Variants in C18orf63 observed in about 807,000 individuals in gnomAD.
C18orf63 encodes the protein uncharacterized protein C18orf63.
C18orf63 carries 50 observed loss-of-function variants against 75.3 expected under a neutral mutation model. The observed-to-expected ratio is 0.66, with a 90% confidence interval of 0.53 to 0.84. The LOEUF is 0.84. Among genes scored for constraint, C18orf63 ranks in the 40% least tolerant of loss-of-function variants. The pLI, the probability that C18orf63 is intolerant of heterozygous loss-of-function variation, is 0.00. For missense variants in C18orf63, 732 were observed against 800.2 expected (o/e 0.91, Z 1.03); for synonymous variants, 232 against 267.6 (o/e 0.87, Z 1.30).
intron 13 of C18orf63, 46 bp downstream of exon 13, chr18:74,354,592 T>C (rs1393140669): frequency 2.0e-6 from 2 of 976,694 alleles, no homozygotes; most frequent in Non-Finnish European, 3.0e-6. Flanking sequence ...TTATCTGAAT[T>C]GGGATTGCCA....
In C18orf63 at chr18:74,317,970, G is replaced by T. The variant is rs1244912613; in HGVS notation, c.105G>T (p.Glu35Asp). 2 of 1,528,968 alleles carry T rather than the reference G, an allele frequency of 1.3e-6. No individual in the cohort carries two copies. The highest frequency in any genetic ancestry group is 2.4e-5 in the South Asian group (2 of 82,402). 94.7% of individuals were successfully genotyped at this position (1,528,968 alleles called of 1,614,324 possible). Residue 35 changes from glutamate to aspartate, a missense_variant, in exon 2 of 14, where the codon GAG becomes GAT. Coordinates refer to ENST00000579455, the MANE Select transcript of C18orf63 (RefSeq NM_001174123.2). ...TGAGTAATAAGGTGGCAGATACTGA[G>T]ATTAGGACTATACAAATGAAGATGT... ...IILSNKVADT[E>D]IRTIQMKMCR... is the part of the protein sequence containing the mutation.
intron 4 of C18orf63, among the ~76,000 whole-genome samples, chr18:74,327,108 G>A (rs187172272): frequency 2.6e-4 from 40 of 152,098 alleles, no homozygotes; most frequent in African/African-American, 9.4e-4. Flanking sequence ...GATAACGAAG[G>A]AATTCTTAAC....
intron 7 of C18orf63, among the ~76,000 whole-genome samples, chr18:74,332,212 C>G (rs1407565525): frequency 2.0e-5 from 3 of 152,156 alleles, no homozygotes; most frequent in Non-Finnish European, 4.4e-5. Flanking sequence ...CAGGGTCTCT[C>G]TGCTGAGTCC....
rs1159257490 is a variant in C18orf63, at chr18:74,352,226, T to G, written c.979-1020T>G. 2.6e-5 allele frequency among the ~76,000 whole-genome samples: 4 copies of G among 152,112 alleles called. No homozygotes were observed. In the East Asian group the frequency reaches 5.8e-4, roughly 22 times the overall value. On this transcript the variant is annotated intron_variant, in intron 11 of 13. Transcript: ENST00000579455. The stretch of plus-strand genomic sequence containing the variant: ...CATAGAATAGAAAGTAAAATAGAGG[T>G]TACCAGGGGCTAGAAGGAAGAGGAA...
rs373807371 is a variant in C18orf63 at position 74,316,695 on chromosome 18, A to G, written c.-33+586A>G. Among the ~76,000 whole-genome samples the G allele has an allele frequency of 5.9e-5, 9 of 152,342 alleles. No homozygotes were observed. In the South Asian group the frequency reaches 1.9e-3, roughly 32 times the overall value. On this transcript the variant is annotated intron_variant, in intron 1 of 13. Coordinates refer to ENST00000579455, the MANE Select transcript of C18orf63 (RefSeq NM_001174123.2). Reference sequence around the variant, plus strand: ...AACGTAGTGGAGCGACTCCCTGGACAGGATGTTAATAGCGCATCCGTAGAT... The same window carrying G: ...AACGTAGTGGAGCGACTCCCTGGACGGGATGTTAATAGCGCATCCGTAGAT...
In C18orf63 at chr18:74,328,198, G is replaced by A; in HGVS notation, c.382+140G>A. ...AAAGGAAAGGTTTAGTGGATTCACA[G>A]TTCCACATGGCTGGAGAGGCCTCAC... On this transcript the variant is annotated intron_variant, in intron 5 of 13. Transcript: ENST00000579455. 3 of 586,498 alleles carry A rather than the reference G, an allele frequency of 5.1e-6. No individual in the cohort carries two copies. In the East Asian group the frequency reaches 8.5e-5, roughly 17 times the overall value. 36.3% of individuals were successfully genotyped at this position (586,498 alleles called of 1,614,324 possible).
chr18:74,328,861 A>G (rs999565234), intron 5 of C18orf63, 134 bp from the exon 6 acceptor site: 3 of 527,972 alleles, frequency 5.7e-6, no homozygotes, highest in Non-Finnish European at 1.0e-5. Flanking sequence ...GTCATCAGGT[A>G]TTACTTTATA....
chr18:74,327,886 G>A, intron 4 of C18orf63, 61 bp from the exon 5 acceptor site: 1 of 962,192 alleles, frequency 1.0e-6, no homozygotes, highest in Non-Finnish European at 1.6e-6. Context: ...TTTCCTATTA[G>A]TATATGCATA....
At chr18:74,353,222 T>G (rs920311565) in intron 11 of C18orf63, 24 bp from the exon 12 acceptor site, 8 of 1,442,172 alleles carry the variant, frequency 5.5e-6, no homozygotes, top group Middle Eastern at 1.8e-4. Flanking sequence ...TTTTAAATTT[T>G]TTTTTAATCT....
At chr18:74,342,482 T>G (rs1348836855) in intron 10 of C18orf63, among the ~76,000 whole-genome samples, 156 bp downstream of exon 10, 1 of 152,202 alleles carries the variant, frequency 6.6e-6, no homozygotes. Context: ...CAAGTGTTTC[T>G]GGTTTGCTTA....
At chr18:74,345,222 C>T (rs1359026700) in intron 11 of C18orf63, among the ~76,000 whole-genome samples, 5 of 105,980 alleles carry the variant, frequency 4.7e-5, no homozygotes, top group African/African-American at 7.2e-5. Flanking sequence ...TACTGTGTTA[C>T]GTGTTTGTTT....
intron 7 of C18orf63, among the ~76,000 whole-genome samples, chr18:74,332,689 A>G (rs1984329589): frequency 6.7e-6 from 1 of 150,218 alleles, no homozygotes; most frequent in South Asian, 2.1e-4. Context: ...AGTCTGGGCT[A>G]CAGAAGAGCA....
chr18:74,357,640 C>T lies in C18orf63; in HGVS notation c.*1193C>T, dbSNP rs920119114. 3 of 151,496 alleles carry T rather than the reference C, an allele frequency of 2.0e-5. No homozygotes were observed. The highest frequency in any genetic ancestry group is 4.4e-5 in the Non-Finnish European group (3 of 67,950). The allele number at this position is 151,496 out of a possible 1,614,324, so 9.4% of individuals were successfully genotyped here. On this transcript the variant is annotated 3_prime_UTR_variant, in exon 14 of 14. Coordinates refer to ENST00000579455, the MANE Select transcript of C18orf63 (RefSeq NM_001174123.2). The stretch of plus-strand genomic sequence containing the variant: ...TTGTAAATGTGATTTATTGTCTCCA[C>T]CACTTTACTAAACCATTGCAATTAA...
chr18:74,354,381 CAG>C, intron 12 of C18orf63, 74 bp from the exon 13 acceptor site: 1 of 1,247,332 alleles, frequency 8.0e-7, no homozygotes, highest in Non-Finnish European at 1.1e-6. Context: ...AATTAATAAA[CAG>C]AATATCTACC....
At chr18:74,332,585 C>T (rs187464762) in intron 7 of C18orf63, among the ~76,000 whole-genome samples, 465 of 152,118 alleles carry the variant, frequency 3.1e-3, no homozygotes, top group South Asian at 0.013. Context: ...TTCCTGTAAT[C>T]CCAGCTACTC....
chr18:74,346,192 A>G (rs1187207618), intron 11 of C18orf63, among the ~76,000 whole-genome samples: 9 of 152,108 alleles, frequency 5.9e-5, no homozygotes, highest in Non-Finnish European at 5.9e-5. Flanking sequence ...TGTATTTATT[A>G]ACTTTCTAAG....
rs1322922329 is a variant in C18orf63 at position 74,317,968 on chromosome 18, G to C, written c.103G>C (p.Glu35Gln). ...ACTGAGTAATAAGGTGGCAGATACTGAGATTAGGACTATACAAATGAAGAT... is the reference window on the plus strand; with the variant it reads ...ACTGAGTAATAAGGTGGCAGATACTCAGATTAGGACTATACAAATGAAGAT... ...IILSNKVADTEIRTIQMKMCR... is the reference protein window; with the variant it reads ...IILSNKVADTQIRTIQMKMCR... The change falls in exon 2 of 14, where the codon GAG (glutamate) becomes CAG (glutamine). Residue 35 changes from glutamate (E) to glutamine (Q), a missense_variant. Physicochemically the swap from Glu to Gln is conservative, Grantham distance 29. This residue lies in a region of C18orf63 where 233 missense variants were observed against 272.7 expected (regional missense o/e 0.85). Transcript: ENST00000579455. The C allele has an allele frequency of 6.5e-7, 1 of 1,532,712 alleles. No homozygotes were observed. The highest frequency in any genetic ancestry group is 2.5e-5 in the East Asian group (1 of 40,798). 94.9% of individuals were successfully genotyped at this position (1,532,712 alleles called of 1,614,324 possible). A position where few individuals can be genotyped will look rare whatever the true frequency, so the allele number is the denominator to read the frequency against.
In C18orf63 at chr18:74,353,365, G is replaced by A. The variant is rs768502554; in HGVS notation, c.1098G>A (p.Val366=). 6 of 1,536,382 alleles carry A rather than the reference G, an allele frequency of 3.9e-6. No homozygotes were observed. In the South Asian group the frequency reaches 7.1e-5, roughly 18 times the overall value. ...AQSLLPCSVA[V]DHKVELSVSQ... ...GTCTTCTACCATGTTCAGTAGCAGTGGACCACAAGGTGGAGCTTTCAGTCA... is the reference window on the plus strand; with the variant it reads ...GTCTTCTACCATGTTCAGTAGCAGTAGACCACAAGGTGGAGCTTTCAGTCA... The change falls in exon 12 of 14, where the codon GTG becomes GTA. Residue 366 remains valine, a synonymous_variant. Coordinates refer to ENST00000579455, the MANE Select transcript of C18orf63 (RefSeq NM_001174123.2).
intron 13 of C18orf63, among the ~76,000 whole-genome samples, chr18:74,354,876 A>G (rs1984736985): frequency 6.6e-6 from 1 of 152,356 alleles, no homozygotes; most frequent in Middle Eastern, 3.4e-3. Context: ...AACAGCTACT[A>G]CAATATCCAC....
Sources: gnomAD v4.1 joint callset for allele counts (sites outside exome capture counted in the v4.1 genomes callset) on GRCh38, gnomAD v4.1.1 for gene constraint, gnomAD v4.1.1 regional missense constraint, MANE v1.5 for transcripts, NCBI Gene and HGNC (gene_info 2026-07-23, HGNC 2026-07-21) for gene names.